ABCA1: variants seen among roughly 807,000 people sequenced by gnomAD.
ABCA1 encodes the protein ATP binding cassette subfamily A member 1, also known as phospholipid-transporting ATPase ABCA1.
ABCA1 carries 133 observed loss-of-function variants against 262.5 expected under a neutral mutation model. The observed-to-expected ratio is 0.51, with a 90% CI of 0.44 to 0.59. The LOEUF is 0.59. Ranked by LOEUF, ABCA1 falls within the 20% of genes least tolerant of loss-of-function variation. The pLI, the probability that ABCA1 is intolerant of heterozygous loss-of-function variation, is 0.00. For missense variants in ABCA1, 2,452 were observed against 2,777.5 expected (o/e 0.88, Z 2.63); for synonymous variants, 1,022 against 1,043.5 (o/e 0.98, Z 0.40).
At chr9:104,915,823 A>C (rs183714632) in intron 1 of ABCA1, among the ~76,000 whole-genome samples, 22 of 152,326 alleles carry the variant, frequency 1.4e-4, no homozygotes, top group African/African-American at 4.8e-4. Context: ...ACAACGCGCT[A>C]AGTGTTTACA....
intron 18 of ABCA1, among the ~76,000 whole-genome samples, chr9:104,823,509 G>A (rs1464830131): frequency 2.0e-5 from 3 of 152,158 alleles, no homozygotes; most frequent in Admixed American, 2.0e-4. Flanking sequence ...TTGTGAGTCT[G>A]TAATTGTTTT....
rs543312335 is a variant in ABCA1, at chr9:104,883,127, C to A, written c.333G>T (p.Arg111Ser). 5 of 1,613,594 alleles carry A rather than the reference C, an allele frequency of 3.1e-6. No homozygotes were observed. Among genetic ancestry groups the A allele is most frequent in the South Asian group, 1.1e-5 (1 of 91,086 alleles). Reference protein sequence around the residue: ...IVARLFSDARRLLLYSQKDTS... With the variant: ...IVARLFSDARSLLLYSQKDTS... Reference sequence around the variant, plus strand: ...TGTCTTTCTGGCTGTATAAAAGAAGCCTCCGAGCATCTGAGAACAGGCGAG... The same window carrying A: ...TGTCTTTCTGGCTGTATAAAAGAAGACTCCGAGCATCTGAGAACAGGCGAG... The change falls in exon 5 of 50, where the codon AGG becomes AGT. Residue 111 changes from arginine to serine, a missense_variant. Around this residue, in one of 4 missense-constraint regions of ABCA1, gnomAD observed 1,032 missense variants for 1,089.7 expected, o/e 0.95. Coordinates refer to ENST00000374736, the MANE Select transcript of ABCA1 (RefSeq NM_005502.4).
chr9:104,785,546 T>C lies in ABCA1; in HGVS notation c.6495A>G (p.Gly2165=), dbSNP rs758173593. Residue 2165 remains glycine, a synonymous_variant, in exon 49 of 50, where the codon GGA becomes GGG. Transcript: ENST00000374736. ...VQDFFGLAFP[G]SVLKEKHRNM... ...TCCGGTGTTTCTCTTTTAGAACACT[T>C]CCAGGAAATGCAAGTCCAAAGAAAT... 1 of 1,613,782 alleles carries C rather than the reference T, an allele frequency of 6.2e-7. No homozygotes were observed. The highest frequency in any genetic ancestry group is 8.5e-7 in the Non-Finnish European group (1 of 1,179,852).
rs138341589 is a variant in ABCA1, at chr9:104,793,566, C to A, written c.5507-266G>T. Among the ~76,000 whole-genome samples, 140 of 151,724 alleles carry A rather than the reference C, an allele frequency of 9.2e-4. 2 individuals are homozygous for A. The highest frequency in any genetic ancestry group is 3.3e-3 in the African/African-American group (137 of 41,406). On this transcript the variant is annotated intron_variant, in intron 40 of 49. Transcript: ENST00000374736. ...ACTTCACTGAAGATATCTAGTATTTCTTTTTTTAATGAGACATGCCAAAAA... is the reference window on the plus strand; with the variant it reads ...ACTTCACTGAAGATATCTAGTATTTATTTTTTTAATGAGACATGCCAAAAA...
Position 104,858,587 on chromosome 9 carries a change from T to G in ABCA1, c.655A>C (p.Arg219=), listed in dbSNP as rs778562903. 2.8e-5 allele frequency: 46 copies of G among 1,614,186 alleles called. No individual in the cohort carries two copies. The South Asian group carries it at 4.8e-4, about 17-fold the overall frequency. The change falls in exon 7 of 50, where the codon AGG becomes CGG. Residue 219 remains arginine, a synonymous_variant. Transcript: ENST00000374736. ...CGCTCTGCTGCAGCCAGTTTCTCCC[T>G]TGGTAGGCCACAAAGCTCAGAAACT... is the stretch of plus-strand genomic sequence containing the variant. The part of the protein sequence containing the change: ...QEVSELCGLP[R]EKLAAAERVL...
chr9:104,890,054 A>C (rs1839572793), intron 2 of ABCA1, among the ~76,000 whole-genome samples: 1 of 152,216 alleles, frequency 6.6e-6, no homozygotes, highest in African/African-American at 2.4e-5. Context: ...GACACAATAT[A>C]ATTGAGCCAG....
intron 5 of ABCA1, among the ~76,000 whole-genome samples, chr9:104,870,662 G>A (rs1837524791): frequency 6.6e-6 from 1 of 151,628 alleles, no homozygotes; most frequent in African/African-American, 2.4e-5. Context: ...GATACCATGA[G>A]TTTCATGTGC....
chr9:104,833,704 G>A (rs1212917716), intron 11 of ABCA1, among the ~76,000 whole-genome samples: 1 of 152,184 alleles, frequency 6.6e-6, no homozygotes, highest in African/African-American at 2.4e-5. Flanking sequence ...TTACTGCTTA[G>A]TTTAGAAAAA....
chr9:104,824,102 A>C (rs146352340), intron 18 of ABCA1, among the ~76,000 whole-genome samples: 20 of 152,332 alleles, frequency 1.3e-4, no homozygotes, highest in African/African-American at 4.8e-4. Context: ...ACAGGTCACC[A>C]TGTCACAGGC....
At position 104,818,818 on chromosome 9, in the gene ABCA1, T is replaced by C. The variant is rs746693787; in HGVS notation, c.3307A>G (p.Ile1103Val). ...CAGCACAGCTTCCCATGGGAGATGATGGCAATCCTGTCCCCCAGGACGTCC... is the reference window on the plus strand; with the variant it reads ...CAGCACAGCTTCCCATGGGAGATGACGGCAATCCTGTCCCCCAGGACGTCC... ...EADVLGDRIAIISHGKLCCVG... is the reference protein window; with the variant it reads ...EADVLGDRIAVISHGKLCCVG... Residue 1103 changes from isoleucine (I) to valine (V), a missense_variant, in exon 23 of 50, where the codon ATC (isoleucine) becomes GTC (valine). Ile to Val is a conservative substitution (Grantham distance 29). Coordinates refer to ENST00000374736, the MANE Select transcript of ABCA1 (RefSeq NM_005502.4). 1.9e-6 allele frequency: 3 copies of C among 1,614,054 alleles called. No homozygotes were observed. The highest frequency in any genetic ancestry group is 2.2e-5 in the South Asian group (2 of 91,072).
chr9:104,820,361 A>C (rs1265743283), intron 20 of ABCA1, among the ~76,000 whole-genome samples: 1 of 152,084 alleles, frequency 6.6e-6, no homozygotes, highest in East Asian at 1.9e-4. Context: ...CAGGGCCCCA[A>C]GATGTGGTCT....
intron 5 of ABCA1, among the ~76,000 whole-genome samples, chr9:104,880,618 A>G (rs1212796796): frequency 6.6e-6 from 1 of 152,132 alleles, no homozygotes; most frequent in Non-Finnish European, 1.5e-5. Context: ...GTTTCTGTGC[A>G]TTTCCCCCTA....
rs76838353 is a variant in ABCA1, at chr9:104,882,929, C to T, written c.421+110G>A. Reference sequence around the variant, plus strand: ...CAGGCCAGCCACCAAGGAGAAAAACCCCTTGGGGAAGATCTAATGGGAACA... The same window carrying T: ...CAGGCCAGCCACCAAGGAGAAAAACTCCTTGGGGAAGATCTAATGGGAACA... On this transcript the variant is annotated intron_variant, in intron 5 of 49. Transcript: ENST00000374736. 6.3e-3 allele frequency: 7,035 copies of T among 1,119,934 alleles called. 311 individuals are homozygous for T. In the African/African-American group the frequency reaches 0.094, roughly 15 times the overall value. 69.4% of individuals were successfully genotyped at this position (1,119,934 alleles called of 1,614,324 possible).
At chr9:104,862,646 G>GCCCCCCC (rs1564197987) in intron 5 of ABCA1, among the ~76,000 whole-genome samples, 1 of 2,900 alleles carries the variant, frequency 3.4e-4, no homozygotes, top group Non-Finnish European at 6.8e-4. Flanking sequence ...GGCCGGGCCG[G>GCCCCCCC]GCCGGGCCGG....
At chr9:104,909,842 G>A (rs901649442) in intron 1 of ABCA1, among the ~76,000 whole-genome samples, 4 of 152,122 alleles carry the variant, frequency 2.6e-5, no homozygotes, top group African/African-American at 9.7e-5. Flanking sequence ...AAAAAGACAA[G>A]ATAGGAGGAT....
At chr9:104,907,191 C>T (rs951139158) in intron 1 of ABCA1, among the ~76,000 whole-genome samples, 1 of 152,164 alleles carries the variant, frequency 6.6e-6, no homozygotes, top group African/African-American at 2.4e-5. Flanking sequence ...GCTCTCCTAC[C>T]ACTGGGACTT....
At chr9:104,790,256 G>T (rs542260992) in intron 44 of ABCA1, among the ~76,000 whole-genome samples, 27 of 152,276 alleles carry the variant, frequency 1.8e-4, no homozygotes, top group African/African-American at 6.5e-4. Context: ...CAATTTGTAT[G>T]CTCTTTAGAG....
At chr9:104,891,740 C>T (rs1380057988) in intron 2 of ABCA1, among the ~76,000 whole-genome samples, 4 of 151,322 alleles carry the variant, frequency 2.6e-5, no homozygotes, top group African/African-American at 7.3e-5. Context: ...CCAAGGCAGG[C>T]GGATCACCTG....
intron 1 of ABCA1, among the ~76,000 whole-genome samples, chr9:104,923,761 C>G (rs1009479396): frequency 3.9e-5 from 6 of 152,190 alleles, no homozygotes; most frequent in Non-Finnish European, 8.8e-5. Flanking sequence ...CATTTGATGA[C>G]CTGCACAGTG....
Sources: allele counts gnomAD v4.1 joint callset (sites outside exome capture counted in the v4.1 genomes callset), GRCh38; gene constraint gnomAD v4.1.1; regional missense constraint gnomAD v4.1.1; transcripts MANE v1.5; gene names NCBI Gene and HGNC (gene_info 2026-07-23, HGNC 2026-07-21).